The following CACNA2D3 variants were observed in gnomAD, a reference collection of about 807,000 sequenced individuals.
CACNA2D3 encodes the protein voltage-dependent calcium channel subunit alpha-2/delta-3.
In CACNA2D3, 60 loss-of-function variants were observed where a neutral mutation model predicts 160.6. That is an observed-to-expected ratio of 0.37 (90% confidence interval 0.30 to 0.46). The LOEUF (loss-of-function observed/expected upper bound fraction) is 0.46. CACNA2D3 is among the 20% of genes least tolerant of loss of function. The probability of loss-of-function intolerance (pLI) is 1.00; values close to 1 mark genes in which losing one functional copy is unlikely to be tolerated. For synonymous variants in CACNA2D3, 558 were observed against 492.9 expected (o/e 1.13, Z -1.75); for missense variants, 1,205 against 1,365.0 (o/e 0.88, Z 1.85).
intron 3 of CACNA2D3, among the ~76,000 whole-genome samples, chr3:54,323,483 T>TA (rs1553622682): frequency 6.4e-4 from 96 of 150,676 alleles, no homozygotes; most frequent in African/African-American, 2.1e-3. Flanking sequence ...TTTTTTTTTT[T>TA]AAAGACAGAG....
chr3:54,742,956 TG>T (rs1701683971), intron 11 of CACNA2D3, among the ~76,000 whole-genome samples: 2 of 152,142 alleles, frequency 1.3e-5, no homozygotes, highest in South Asian at 4.1e-4. Flanking sequence ...AAAGAAATCA[TG>T]GGAACTGAGC....
intron 35 of CACNA2D3, among the ~76,000 whole-genome samples, chr3:55,065,516 T>C (rs1441406523): frequency 6.6e-6 from 1 of 152,104 alleles, no homozygotes; most frequent in East Asian, 1.9e-4. Context: ...AACAGACACT[T>C]TTACCCTTAG....
In CACNA2D3 at chr3:54,881,877, T is replaced by G. The variant is rs556637341; in HGVS notation, c.1912+1014T>G. 2.0e-5 allele frequency among the ~76,000 whole-genome samples: 3 copies of G among 152,310 alleles called. No homozygotes were observed. The South Asian group carries it at 6.2e-4, about 32-fold the overall frequency. On this transcript the variant is annotated intron_variant, in intron 21 of 37. Transcript: ENST00000474759. The stretch of plus-strand genomic sequence containing the variant: ...CAGGGCGTGAGGAAGGAGATGGATG[T>G]TCCCTGAGACGCCAAACCCCTAGAT...
At chr3:54,552,155 G>C (rs1702169018) in intron 5 of CACNA2D3, among the ~76,000 whole-genome samples, 1 of 152,070 alleles carries the variant, frequency 6.6e-6, no homozygotes, top group Non-Finnish European at 1.5e-5. Flanking sequence ...TCACTGGCCT[G>C]CTTTGCAGCA....
intron 2 of CACNA2D3, among the ~76,000 whole-genome samples, chr3:54,174,412 C>G (rs79497644): frequency 0.25 from 38,751 of 152,116 alleles, 5,055 homozygotes; most frequent in East Asian, 0.36. Context: ...ATTCTGATAA[C>G]CACAGTTGCT....
At chr3:54,934,489 A>G (rs1439362147) in intron 27 of CACNA2D3, among the ~76,000 whole-genome samples, 1 of 152,214 alleles carries the variant, frequency 6.6e-6, no homozygotes, top group African/African-American at 2.4e-5. Flanking sequence ...TATGAATATC[A>G]GCGGAGTTTG....
At chr3:54,907,977 A>G (rs1700482005) in intron 27 of CACNA2D3, among the ~76,000 whole-genome samples, 1 of 152,216 alleles carries the variant, frequency 6.6e-6, no homozygotes, top group African/African-American at 2.4e-5. Context: ...TCATAAGTTG[A>G]TGGATGCTTT....
At chr3:54,871,185 A>ACG (rs1476372924) in intron 17 of CACNA2D3, among the ~76,000 whole-genome samples, 3 of 74,042 alleles carry the variant, frequency 4.1e-5, no homozygotes, top group African/African-American at 1.9e-4. Context: ...AGGTGGAGAC[A>ACG]CACACACACA....
At chr3:54,637,233 A>G (rs1345965674) in intron 10 of CACNA2D3, among the ~76,000 whole-genome samples, 1 of 151,862 alleles carries the variant, frequency 6.6e-6, no homozygotes, top group Non-Finnish European at 1.5e-5. Flanking sequence ...GGGATGGGAT[A>G]TTGGCGTTGA....
intron 5 of CACNA2D3, among the ~76,000 whole-genome samples, chr3:54,519,906 C>A (rs986366516): frequency 2.6e-5 from 4 of 152,190 alleles, no homozygotes; most frequent in African/African-American, 9.7e-5. Flanking sequence ...TTACGCTGGC[C>A]CTGAATGGCT....
At chr3:54,405,666 TCTTGGATGTCACA>T (rs1383984600) in intron 4 of CACNA2D3, among the ~76,000 whole-genome samples, 1 of 152,146 alleles carries the variant, frequency 6.6e-6, no homozygotes, top group Non-Finnish European at 1.5e-5. Context: ...GACAGTGATT[TCTTGGATGTCACA>T]CCAAAAGCTC....
chr3:54,742,745 G>A (rs544290884), intron 11 of CACNA2D3, among the ~76,000 whole-genome samples: 4 of 152,276 alleles, frequency 2.6e-5, no homozygotes, highest in African/African-American at 9.6e-5. Context: ...AATACAATTG[G>A]CTTCAATCTT....
chr3:54,152,925 A>G (rs1553736987), intron 2 of CACNA2D3, among the ~76,000 whole-genome samples: 1 of 152,164 alleles, frequency 6.6e-6, no homozygotes, highest in Non-Finnish European at 1.5e-5. Context: ...AGCTTTCTCT[A>G]AGTTGGATGC....
At chr3:54,683,174 G>T (rs544279765) in intron 11 of CACNA2D3, among the ~76,000 whole-genome samples, 1 of 152,186 alleles carries the variant, frequency 6.6e-6, no homozygotes, top group African/African-American at 2.4e-5. Context: ...CATCACAGTA[G>T]TAATGAACTT....
intron 29 of CACNA2D3, among the ~76,000 whole-genome samples, chr3:54,973,516 C>G (rs1374373563): frequency 6.6e-6 from 1 of 152,132 alleles, no homozygotes; most frequent in Non-Finnish European, 1.5e-5. Flanking sequence ...GGCTAATAAC[C>G]CTTATTAAAA....
chr3:54,665,392 T>C (rs1700045503), intron 11 of CACNA2D3, among the ~76,000 whole-genome samples: 1 of 152,252 alleles, frequency 6.6e-6, no homozygotes. Flanking sequence ...TCGCATAGCA[T>C]GGAGTGCCGA....
At chr3:54,868,520 T>C (rs1282123112) in intron 17 of CACNA2D3, among the ~76,000 whole-genome samples, 1 of 152,164 alleles carries the variant, frequency 6.6e-6, no homozygotes, top group Admixed American at 6.5e-5. Context: ...ATTGAGAGAT[T>C]ATAAAAAACG....
At chr3:54,500,516 C>CCTCT (rs879412797) in intron 4 of CACNA2D3, among the ~76,000 whole-genome samples, 2 of 102,430 alleles carry the variant, frequency 2.0e-5, no homozygotes, top group African/African-American at 6.7e-5. Flanking sequence ...TTCCTTCCTT[C>CCTCT]CTTCCTTCCT....
intron 27 of CACNA2D3, among the ~76,000 whole-genome samples, chr3:54,900,891 G>A (rs1459026711): frequency 6.6e-6 from 1 of 152,160 alleles, no homozygotes; most frequent in Non-Finnish European, 1.5e-5. Flanking sequence ...TGTATTAGTA[G>A]GGTTGAAAGA....
Sources: gnomAD v4.1 joint callset for allele counts (sites outside exome capture counted in the v4.1 genomes callset) on GRCh38, gnomAD v4.1.1 for gene constraint, MANE v1.5 for transcripts, NCBI Gene and HGNC (gene_info 2026-07-23, HGNC 2026-07-21) for gene names.